The following ISCA1 variants were observed in gnomAD, a reference collection of about 807,000 sequenced individuals.
ISCA1 encodes iron-sulfur cluster assembly 1.
Under a neutral mutation model 14.7 loss-of-function variants are expected in ISCA1, and 9 were observed. The ratio of observed to expected loss-of-function variants is 0.61; its 90% CI spans 0.37 to 1.07. ISCA1 has a LOEUF of 1.07. Ranked by LOEUF, ISCA1 falls within the 50% of genes least tolerant of loss-of-function variation. The pLI is 0.01. For synonymous variants in ISCA1, 38 were observed against 54.3 expected, an observed-to-expected ratio of 0.70 and a Z score of 1.32; for missense variants, 102 against 150.1, an observed-to-expected ratio of 0.68 and a Z score of 1.67.
Position 86,269,890 on chromosome 9 carries a change from T to C in ISCA1, c.241+2117A>G, listed in dbSNP as rs571582849. Among the ~76,000 whole-genome samples the C allele has an allele frequency of 4.5e-3, 687 of 152,360 alleles. 5 individuals carry two copies. The highest frequency in any genetic ancestry group is 7.4e-3 in the Non-Finnish European group (502 of 68,038). On this transcript the variant is annotated intron_variant, in intron 3 of 3. Transcript: ENST00000375991. ...GTGCTGGGAAAACTGGCTAGCCATATGCAGAAAGCTGAAAGTGGATCCCTT... is the reference window on the plus strand; with the variant it reads ...GTGCTGGGAAAACTGGCTAGCCATACGCAGAAAGCTGAAAGTGGATCCCTT...
intron 1 of ISCA1, among the ~76,000 whole-genome samples, chr9:86,275,750 T>C (rs187325515): frequency 2.7e-4 from 41 of 152,264 alleles, no homozygotes; most frequent in Non-Finnish European, 5.7e-4. Context: ...TTTCCCATGG[T>C]TCTGTCAGAA....
In ISCA1 at chr9:86,274,176, T is replaced by C; in HGVS notation, c.135+13A>G. ...TTCAGTTTTTTACTGAATAATTAAC[T>C]GGTTTTACTTACATGCTCAGGCTTA... On this transcript the variant is annotated intron_variant, in intron 2 of 3. Transcript: ENST00000375991. 1 of 1,454,668 alleles carries C rather than the reference T, an allele frequency of 6.9e-7. No homozygotes were observed. The highest frequency in any genetic ancestry group is 2.3e-5 in the East Asian group (1 of 44,018). The allele number at this position is 1,454,668 out of a possible 1,614,324, so 90.1% of individuals were successfully genotyped here. A position where few individuals can be genotyped will look rare whatever the true frequency, so the allele number is the denominator to read the frequency against.
intron 1 of ISCA1, among the ~76,000 whole-genome samples, chr9:86,276,641 T>C (rs1825441203): frequency 6.6e-6 from 1 of 151,988 alleles, no homozygotes; most frequent in South Asian, 2.1e-4. Context: ...TCAGCCAAGG[T>C]GGAAGGATCA....
intron 2 of ISCA1, among the ~76,000 whole-genome samples, chr9:86,272,992 T>A (rs1825390654): frequency 6.6e-6 from 1 of 152,250 alleles, no homozygotes; most frequent in Non-Finnish European, 1.5e-5. Flanking sequence ...GAGAGGTGAC[T>A]GTATACAGCA....
rs1825282846 is a variant in ISCA1 at position 86,265,432 on chromosome 9, G to A, written c.*611C>T. On this transcript the variant is annotated 3_prime_UTR_variant, in exon 4 of 4. Coordinates refer to ENST00000375991, the MANE Select transcript of ISCA1 (RefSeq NM_030940.4). ...GAGCCCATCTCTGAACAGACATATA[G>A]GGTGGCAAAAGAAATGGATTAAAAA... 6.5e-6 allele frequency: 1 copy of A among 154,070 alleles called. No homozygotes were observed. Among genetic ancestry groups the A allele is most frequent in the South Asian group, 2.0e-4 (1 of 4,992 alleles). 9.5% of individuals were successfully genotyped at this position (154,070 alleles called of 1,614,324 possible). A position where few individuals can be genotyped will look rare whatever the true frequency, so the allele number is the denominator to read the frequency against.
intron 3 of ISCA1, among the ~76,000 whole-genome samples, chr9:86,269,079 C>G (rs1247852194): frequency 6.6e-6 from 1 of 152,164 alleles, no homozygotes; most frequent in Non-Finnish European, 1.5e-5. Context: ...CACAGGTGAG[C>G]CACCACGCCT....
intron 1 of ISCA1, among the ~76,000 whole-genome samples, chr9:86,275,271 G>A (rs1825426784): frequency 1.3e-5 from 2 of 152,208 alleles, no homozygotes; most frequent in Admixed American, 1.3e-4. Flanking sequence ...TACTTTATCA[G>A]CTCCTCTAGC....
Position 86,265,216 on chromosome 9 carries a change from G to C in ISCA1, c.*827C>G, listed in dbSNP as rs937400778. On this transcript the variant is annotated 3_prime_UTR_variant, in exon 4 of 4. Coordinates refer to ENST00000375991, the MANE Select transcript of ISCA1 (RefSeq NM_030940.4). ...CCATTTGCCTTCGCTGACTGCCTCA[G>C]AGGGCAGAGCATGTGTCACCTACAA... 1.1e-4 allele frequency: 16 copies of C among 152,232 alleles called. No individual in the cohort carries two copies. Among genetic ancestry groups the C allele is most frequent in the African/African-American group, 3.9e-4 (16 of 41,462 alleles). The allele number at this position is 152,232 out of a possible 1,614,324, so 9.4% of individuals were successfully genotyped here. A position where few individuals can be genotyped will look rare whatever the true frequency, so the allele number is the denominator to read the frequency against.
At chr9:86,277,637 A>AGGG (rs906408262) in intron 1 of ISCA1, among the ~76,000 whole-genome samples, 28 of 152,212 alleles carry the variant, frequency 1.8e-4, no homozygotes, top group African/African-American at 6.8e-4. Flanking sequence ...AGCATGCTGC[A>AGGG]GGGCCTAGCA....
At chr9:86,271,702 CAATT>C (rs1825370483) in intron 3 of ISCA1, among the ~76,000 whole-genome samples, 1 of 152,170 alleles carries the variant, frequency 6.6e-6, no homozygotes, top group South Asian at 2.1e-4. Flanking sequence ...AATAATTTAT[CAATT>C]AGTTACTAAG....
intron 3 of ISCA1, among the ~76,000 whole-genome samples, chr9:86,268,487 T>C (rs1825320961): frequency 6.6e-6 from 1 of 151,092 alleles, no homozygotes. Flanking sequence ...GTAAAAAAGT[T>C]TCAGTAAACT....
chr9:86,272,347 G>T (rs892856790), intron 2 of ISCA1, among the ~76,000 whole-genome samples: 3 of 152,068 alleles, frequency 2.0e-5, no homozygotes, highest in African/African-American at 7.2e-5. Flanking sequence ...GTCCAGCCTG[G>T]GACTTTATTT....
At chr9:86,274,081 A>G in intron 2 of ISCA1, 108 bp downstream of exon 2, 1 of 637,190 alleles carries the variant, frequency 1.6e-6, no homozygotes, top group Non-Finnish European at 2.7e-6. Flanking sequence ...TATATTTTAC[A>G]TTTTAAATAA....
chr9:86,271,944 C>A, intron 3 of ISCA1, 63 bp downstream of exon 3: 1 of 837,764 alleles, frequency 1.2e-6, no homozygotes, highest in Non-Finnish European at 2.0e-6. Flanking sequence ...TTACTTTGTG[C>A]TGTGCAAGGC....
At chr9:86,281,321 T>C (rs1825513759) in intron 1 of ISCA1, among the ~76,000 whole-genome samples, 1 of 152,240 alleles carries the variant, frequency 6.6e-6, no homozygotes, top group Non-Finnish European at 1.5e-5. Context: ...CACAATTTTC[T>C]TCTACTTTGC....
intron 2 of ISCA1, among the ~76,000 whole-genome samples, chr9:86,272,590 T>C (rs1825384499): frequency 6.6e-6 from 1 of 152,236 alleles, no homozygotes; most frequent in South Asian, 2.1e-4. Flanking sequence ...TATCAATGTT[T>C]ACATTAATGC....
chr9:86,269,211 T>C (rs1825333443), intron 3 of ISCA1, among the ~76,000 whole-genome samples: 2 of 152,150 alleles, frequency 1.3e-5, no homozygotes, highest in South Asian at 4.1e-4. Context: ...TTTACAAAAT[T>C]TTCTTAAGCT....
chr9:86,279,807 A>G (rs1825486672), intron 1 of ISCA1, among the ~76,000 whole-genome samples: 1 of 152,190 alleles, frequency 6.6e-6, no homozygotes, highest in Non-Finnish European at 1.5e-5. Flanking sequence ...TTGACGATAC[A>G]TGCTGATGAT....
chr9:86,268,819 G>C (rs1048085347), intron 3 of ISCA1, among the ~76,000 whole-genome samples: 3 of 151,862 alleles, frequency 2.0e-5, no homozygotes, highest in Admixed American at 6.6e-5. Flanking sequence ...TTTTGAGACA[G>C]AGTCTCACTT....
Sources: allele counts gnomAD v4.1 joint callset (sites outside exome capture counted in the v4.1 genomes callset), GRCh38; gene constraint gnomAD v4.1.1; transcripts MANE v1.5; gene names NCBI Gene and HGNC (gene_info 2026-07-23, HGNC 2026-07-21).